The following BBS4 variants were observed in gnomAD, a reference collection of about 807,000 sequenced individuals.
BBS4 encodes the protein Bardet-Biedl syndrome 4.
Under a neutral mutation model 71.4 loss-of-function variants are expected in BBS4, and 58 were observed. The observed-to-expected ratio is 0.81, with a 90% CI of 0.66 to 1.01. The LOEUF (loss-of-function observed/expected upper bound fraction) is 1.01. Ranked by LOEUF, BBS4 falls within the 50% of genes least tolerant of loss-of-function variation. BBS4 has a pLI of 0.00. For synonymous variants in BBS4, 228 were observed against 216.8 expected, an observed-to-expected ratio of 1.05 and a Z score of -0.46; for missense variants, 660 against 607.9, an observed-to-expected ratio of 1.09 and a Z score of -0.90.
intron 9 of BBS4, 21 bp from the exon 10 acceptor site, chr15:72,729,595 C>CT (rs1307171707): frequency 2.5e-6 from 4 of 1,613,018 alleles, no homozygotes; most frequent in Non-Finnish European, 3.4e-6. Flanking sequence ...TGTAAATTGT[C>CT]TTGTTTGCTT....
intron 8 of BBS4, among the ~76,000 whole-genome samples, chr15:72,726,492 C>G (rs971623322): frequency 6.6e-6 from 1 of 152,164 alleles, no homozygotes; most frequent in Non-Finnish European, 1.5e-5. Context: ...AATGTCTGGT[C>G]TGTGGTTCAA....
In BBS4 at chr15:72,735,020, C is replaced by CTGA. The variant is rs1209688912; in HGVS notation, c.1037-92_1037-90dup. The CTGA allele has an allele frequency of 3.4e-6, 3 of 880,946 alleles. No homozygotes were observed. In the African/African-American group the frequency reaches 4.9e-5, roughly 14 times the overall value. 54.6% of individuals were successfully genotyped at this position (880,946 alleles called of 1,614,324 possible). A position where few individuals can be genotyped will look rare whatever the true frequency, so the allele number is the denominator to read the frequency against. On this transcript the variant is annotated intron_variant, in intron 12 of 15. Transcript: ENST00000268057. ...ACTTAGTAAACTCTGGTGCCATGAG[C>CTGA]TGACAGGGTGAAGTTTACTTTGGGG...
At chr15:72,732,137 CAATT>C (rs945395570) in intron 12 of BBS4, among the ~76,000 whole-genome samples, 12 of 152,134 alleles carry the variant, frequency 7.9e-5, no homozygotes, top group Non-Finnish European at 7.3e-5. Context: ...ATTAAGCTCT[CAATT>C]AATAATACTG....
chr15:72,724,756 T>C, intron 8 of BBS4, 101 bp downstream of exon 8: 1 of 1,466,530 alleles, frequency 6.8e-7, no homozygotes, highest in Non-Finnish European at 9.3e-7. Context: ...GATTAATTAC[T>C]TACTGTATGA....
In BBS4 at chr15:72,728,007, CTG is replaced by C. The variant is rs769170258; in HGVS notation, c.642+15_642+16del. ...ACTCTACTTACAGGTAATGAAAACT[CTG>C]TACTCATTCATGCACTGATGTTAGA... On this transcript the variant is annotated intron_variant, in intron 9 of 15. Coordinates refer to ENST00000268057, the MANE Select transcript of BBS4 (RefSeq NM_033028.5). The C allele has an allele frequency of 8.8e-6, 14 of 1,598,268 alleles. No individual in the cohort carries two copies. Among genetic ancestry groups the C allele is most frequent in the Non-Finnish European group, 1.1e-5 (13 of 1,165,716 alleles).
At chr15:72,730,870 G>C (rs1233010381) in intron 10 of BBS4, among the ~76,000 whole-genome samples, 1 of 151,984 alleles carries the variant, frequency 6.6e-6, no homozygotes, top group Non-Finnish European at 1.5e-5. Flanking sequence ...TCTGTTCTAC[G>C]GTAGAAAGAA....
At chr15:72,729,195 G>C (rs1186915434) in intron 9 of BBS4, among the ~76,000 whole-genome samples, 1 of 101,644 alleles carries the variant, frequency 9.8e-6, no homozygotes, top group Non-Finnish European at 1.9e-5. Flanking sequence ...TTAAAGTCAA[G>C]AGAACTCAAA....
At chr15:72,712,542 G>A (rs918292773) in intron 4 of BBS4, among the ~76,000 whole-genome samples, 2 of 152,226 alleles carry the variant, frequency 1.3e-5, no homozygotes, top group African/African-American at 2.4e-5. Context: ...GATATAGTCT[G>A]TTGCTCCCAG....
chr15:72,687,241 C>T (rs901926812), intron 1 of BBS4, among the ~76,000 whole-genome samples: 1 of 149,384 alleles, frequency 6.7e-6, no homozygotes, highest in African/African-American at 2.4e-5. Context: ...GCCTCAGCCT[C>T]CGGATTAGCT....
chr15:72,724,951 G>T (rs1242820149), intron 8 of BBS4, among the ~76,000 whole-genome samples: 1 of 152,002 alleles, frequency 6.6e-6, no homozygotes, highest in South Asian at 2.1e-4. Context: ...GTCTTTACCT[G>T]CATGGTTGAT....
chr15:72,735,090 C>G, intron 12 of BBS4, 23 bp from the exon 13 acceptor site: 1 of 1,590,148 alleles, frequency 6.3e-7, no homozygotes, highest in South Asian at 1.1e-5. Context: ...AGCTCTCCAG[C>G]TGCAGTGCTT....
At chr15:72,706,856 T>G (rs1386078821) in intron 2 of BBS4, among the ~76,000 whole-genome samples, 1 of 152,082 alleles carries the variant, frequency 6.6e-6, no homozygotes, top group Non-Finnish European at 1.5e-5. Flanking sequence ...AAAATTAAAT[T>G]TTTTGTTGAA....
Position 72,736,907 on chromosome 15 carries a change from A to G in BBS4, c.1394A>G (p.Asn465Ser), listed in dbSNP as rs1214182249. The change falls in exon 15 of 16, where the codon AAT (asparagine) becomes AGT (serine). Residue 465 changes from asparagine (N) to serine (S), a missense_variant. Asn to Ser is a conservative substitution (Grantham distance 46). Coordinates refer to ENST00000268057, the MANE Select transcript of BBS4 (RefSeq NM_033028.5). ...PASFQQPLGSNQALGQAMSSA... is the reference protein window; with the variant it reads ...PASFQQPLGSSQALGQAMSSA... Reference sequence around the variant, plus strand: ...AGTTTCCAGCAGCCTCTGGGCTCTAATCAAGCTCTAGGACAGGCAATGTCT... The same window carrying G: ...AGTTTCCAGCAGCCTCTGGGCTCTAGTCAAGCTCTAGGACAGGCAATGTCT... The G allele has an allele frequency of 1.2e-5, 20 of 1,614,064 alleles. No homozygotes were observed. The highest frequency in any genetic ancestry group is 2.7e-5 in the African/African-American group (2 of 74,920).
In BBS4 at chr15:72,695,262, G is replaced by A. The variant is rs745524604; in HGVS notation, c.76+34G>A. On this transcript the variant is annotated intron_variant, in intron 2 of 15. Transcript: ENST00000268057. ...GCAGTTTCATGGTATGTGTATGTTT[G>A]CACAGACAGATTTCTCTTTTATTTA... The A allele has an allele frequency of 2.2e-6, 3 of 1,354,710 alleles. No homozygotes were observed. The South Asian group carries it at 3.9e-5, about 17-fold the overall frequency. 83.9% of individuals were successfully genotyped at this position (1,354,710 alleles called of 1,614,324 possible).
chr15:72,686,406 G>A, intron 1 of BBS4, 155 bp downstream of exon 1: 6 of 1,535,050 alleles, frequency 3.9e-6, no homozygotes, highest in Non-Finnish European at 5.2e-6. Context: ...TTACTGTCCC[G>A]GGAACTGGTC....
At chr15:72,728,075 C>A in intron 9 of BBS4, 81 bp downstream of exon 9, 1 of 970,620 alleles carries the variant, frequency 1.0e-6, no homozygotes, top group South Asian at 1.3e-5. Context: ...TTCCTGCATT[C>A]TGATATTTAT....
chr15:72,723,329 A>G (rs540446039), intron 7 of BBS4, among the ~76,000 whole-genome samples: 60 of 152,310 alleles, frequency 3.9e-4, no homozygotes, highest in Non-Finnish European at 7.2e-4. Flanking sequence ...ATGAGAAATT[A>G]TATTTCACTG....
chr15:72,713,369 TG>T (rs1339767636), intron 4 of BBS4, among the ~76,000 whole-genome samples: 1 of 143,182 alleles, frequency 7.0e-6, no homozygotes, highest in East Asian at 2.0e-4. Flanking sequence ...ACGCACGCAC[TG>T]GTCTAGGCCT....
At chr15:72,734,110 ATTC>A (rs754888053) in intron 12 of BBS4, among the ~76,000 whole-genome samples, 28 of 152,212 alleles carry the variant, frequency 1.8e-4, no homozygotes, top group Non-Finnish European at 2.2e-4. Context: ...ATGGGATTGT[ATTC>A]TTCTTGTAAA....
Sources: allele counts gnomAD v4.1 joint callset (sites outside exome capture counted in the v4.1 genomes callset), GRCh38; gene constraint gnomAD v4.1.1; transcripts MANE v1.5; gene names NCBI Gene and HGNC (gene_info 2026-07-23, HGNC 2026-07-21).